CFDP1: variants seen among roughly 807,000 people sequenced by gnomAD.
The protein encoded by CFDP1 is chromatin remodeling protein CFDP1.
CFDP1 carries 31 observed loss-of-function variants against 40.1 expected under a neutral mutation model. That is an observed-to-expected ratio of 0.77 (90% CI 0.58 to 1.04). The LOEUF is 1.04. CFDP1 is among the 50% of genes least tolerant of loss of function. The probability of loss-of-function intolerance (pLI) is 0.00; values close to 1 mark genes in which losing one functional copy is unlikely to be tolerated. For synonymous variants in CFDP1, 167 were observed against 120.0 expected (o/e 1.39, Z -2.56); for missense variants, 423 against 343.4 (o/e 1.23, Z -1.83).
intron 5 of CFDP1, among the ~76,000 whole-genome samples, chr16:75,349,680 A>ATATATATATATATATATATAT (rs59380218): frequency 1.2e-3 from 8 of 6,670 alleles, no homozygotes; most frequent in Admixed American, 3.9e-3. Flanking sequence ...AAAAAAAAAA[A>ATATATATATATATATATATAT]AAAAAAAAAA....
chr16:75,413,509 C>G (rs565200720), intron 2 of CFDP1, among the ~76,000 whole-genome samples: 1 of 146,686 alleles, frequency 6.8e-6, no homozygotes, highest in African/African-American at 2.5e-5. Context: ...GCAGAGATCA[C>G]GCCACTGCAC....
chr16:75,404,539 G>A (rs2079082625), intron 4 of CFDP1, among the ~76,000 whole-genome samples: 1 of 152,126 alleles, frequency 6.6e-6, no homozygotes, highest in South Asian at 2.1e-4. Context: ...ACTGTCTTAA[G>A]ATACTGGTGG....
chr16:75,423,997 C>T (rs1232558345), intron 1 of CFDP1, among the ~76,000 whole-genome samples: 2 of 152,016 alleles, frequency 1.3e-5, no homozygotes, highest in African/African-American at 2.4e-5. Context: ...AGCTGTCTCC[C>T]AGAAATAAGT....
intron 4 of CFDP1, among the ~76,000 whole-genome samples, chr16:75,397,315 G>C (rs2079003533): frequency 2.0e-5 from 3 of 151,454 alleles, no homozygotes; most frequent in Non-Finnish European, 1.5e-5. Flanking sequence ...AGGAGTTCGA[G>C]ACCAGCCTGG....
chr16:75,338,062 C>A (rs1254227482), intron 5 of CFDP1, among the ~76,000 whole-genome samples: 1 of 152,204 alleles, frequency 6.6e-6, no homozygotes, highest in Non-Finnish European at 1.5e-5. Context: ...ACTGCTGCAA[C>A]TTTTACTTCA....
At chr16:75,418,345 G>A (rs1315862848) in intron 1 of CFDP1, among the ~76,000 whole-genome samples, 22 of 118,578 alleles carry the variant, frequency 1.9e-4, no homozygotes, top group Admixed American at 1.0e-3. Context: ...TCGCTCTGTC[G>A]CCCAGGCTAG....
chr16:75,356,003 T>C (rs2078642192), intron 5 of CFDP1, among the ~76,000 whole-genome samples: 1 of 152,258 alleles, frequency 6.6e-6, no homozygotes, highest in African/African-American at 2.4e-5. Flanking sequence ...TACTGAAGTC[T>C]TGAATCCCTC....
intron 5 of CFDP1, chr16:75,372,353 AGC>A (rs2078758803): frequency 6.6e-6 from 1 of 152,204 alleles, no homozygotes; most frequent in African/African-American, 2.4e-5. Flanking sequence ...AACAATGGGC[AGC>A]AAAAACACAC....
At chr16:75,394,891 G>C in intron 5 of CFDP1, 199 bp downstream of exon 5, 1 of 587,360 alleles carries the variant, frequency 1.7e-6, no homozygotes, top group Non-Finnish European at 2.7e-6. Context: ...AAACTCCTGG[G>C]TTCAAGCAAT....
At chr16:75,401,061 C>T (rs1597385660) in intron 4 of CFDP1, among the ~76,000 whole-genome samples, 1 of 152,054 alleles carries the variant, frequency 6.6e-6, no homozygotes, top group African/African-American at 2.4e-5. Context: ...TTTGGGAGGC[C>T]GAGGTGGGCA....
intron 5 of CFDP1, among the ~76,000 whole-genome samples, chr16:75,326,398 A>G (rs1289840597): frequency 6.6e-6 from 1 of 152,234 alleles, no homozygotes; most frequent in Non-Finnish European, 1.5e-5. Flanking sequence ...AGTCAACTGA[A>G]CAACTCCTCG....
intron 5 of CFDP1, among the ~76,000 whole-genome samples, chr16:75,329,048 C>T (rs1288424654): frequency 3.9e-5 from 6 of 152,048 alleles, no homozygotes; most frequent in Non-Finnish European, 8.8e-5. Context: ...GGGGTTTCTC[C>T]ATGTTGGTCA....
At position 75,305,079 on chromosome 16, in the gene CFDP1, T is replaced by A; in HGVS notation, c.754A>T (p.Lys252Ter). The change falls in exon 6 of 7, where the codon AAG becomes TAG. Residue 252 changes from lysine to a stop codon, truncating the protein, a stop_gained. Transcript: ENST00000283882. LOFTEE classifies it high-confidence loss of function. ...EKSKLDWESF[K>*]EEEGIGEELA... is the part of the protein sequence containing the mutation. Reference sequence around the variant, plus strand: ...TCTTCACCAATCCCCTCTTCCTCCTTGAAGCTCTCCCAGTCCAGTTTGGAC... The same window carrying A: ...TCTTCACCAATCCCCTCTTCCTCCTAGAAGCTCTCCCAGTCCAGTTTGGAC... 1 of 1,614,192 alleles carries A rather than the reference T, an allele frequency of 6.2e-7. No homozygotes were observed.
rs1419806528 is a variant in CFDP1 at position 75,412,659 on chromosome 16, G to GCGT, written c.275_277dup (p.Asp92dup). The GCGT allele has an allele frequency of 5.6e-6, 9 of 1,614,086 alleles. No individual in the cohort carries two copies. Among genetic ancestry groups the GCGT allele is most frequent in the Non-Finnish European group, 7.6e-6 (9 of 1,180,006 alleles). The stretch of plus-strand genomic sequence containing the variant: ...TCCAATGCCTTTTTCCTGCTCTGCA[G>GCGT]CGTCATCTTCCTCCTCACTACTGCT... On this transcript the variant is annotated inframe_insertion, in exon 3 of 7. Transcript: ENST00000283882.
intron 5 of CFDP1, among the ~76,000 whole-genome samples, chr16:75,371,329 T>A (rs965804709): frequency 7.8e-6 from 1 of 128,352 alleles, no homozygotes; most frequent in African/African-American, 2.9e-5. Flanking sequence ...GTCAACATAA[T>A]ATGATACAAT....
chr16:75,378,011 T>G (rs893867984), intron 5 of CFDP1, among the ~76,000 whole-genome samples: 1 of 152,162 alleles, frequency 6.6e-6, no homozygotes, highest in Non-Finnish European at 1.5e-5. Flanking sequence ...GCATCTATGG[T>G]AGAAAACAAC....
At chr16:75,426,468 A>G (rs147417748) in intron 1 of CFDP1, among the ~76,000 whole-genome samples, 3 of 152,212 alleles carry the variant, frequency 2.0e-5, no homozygotes, top group African/African-American at 7.2e-5. Flanking sequence ...CAAAAGCACA[A>G]CCCATAATAG....
intron 5 of CFDP1, among the ~76,000 whole-genome samples, chr16:75,346,790 T>C (rs8048683): frequency 0.25 from 37,808 of 151,012 alleles, 5,673 homozygotes; most frequent in African/African-American, 0.42. Flanking sequence ...GGAAATAATT[T>C]TGCCCCATTC....
At chr16:75,318,912 T>C (rs118086264) in intron 5 of CFDP1, among the ~76,000 whole-genome samples, 1,639 of 152,290 alleles carry the variant, frequency 0.011, 21 homozygotes, top group Non-Finnish European at 0.016. Flanking sequence ...CCTTACATCA[T>C]AGACACCTCT....
Sources: allele counts gnomAD v4.1 joint callset (sites outside exome capture counted in the v4.1 genomes callset), GRCh38; gene constraint gnomAD v4.1.1; transcripts MANE v1.5; gene names NCBI Gene and HGNC (gene_info 2026-07-23, HGNC 2026-07-21).